Variants in PNPT1 observed in about 807,000 individuals in gnomAD.
PNPT1 encodes polyribonucleotide nucleotidyltransferase 1.
A neutral mutation model predicts 119.5 loss-of-function variants in PNPT1; 53 were observed. The ratio of observed to expected loss-of-function variants is 0.44; its 90% CI spans 0.36 to 0.56. The LOEUF (loss-of-function observed/expected upper bound fraction) is 0.56, where lower values mean the gene tolerates loss of function less well. Ranked by LOEUF, PNPT1 falls within the 20% of genes least tolerant of loss-of-function variation. The pLI, the probability that PNPT1 is intolerant of heterozygous loss-of-function variation, is 0.00. For synonymous variants in PNPT1, 357 were observed against 322.1 expected, an observed-to-expected ratio of 1.11 and a Z score of -1.16; for missense variants, 948 against 938.5, an observed-to-expected ratio of 1.01 and a Z score of -0.13.
chr2:55,661,555 G>C (rs1284624376), intron 14 of PNPT1, among the ~76,000 whole-genome samples: 2 of 152,102 alleles, frequency 1.3e-5, no homozygotes, highest in Non-Finnish European at 2.9e-5. Flanking sequence ...GATTCGACAA[G>C]GCTTTTCATT....
intron 5 of PNPT1, among the ~76,000 whole-genome samples, chr2:55,683,221 G>A (rs571683187): frequency 4.6e-5 from 7 of 152,224 alleles, no homozygotes; most frequent in Non-Finnish European, 7.3e-5. Flanking sequence ...TCCTGCCTCT[G>A]GGCTTTCAAT....
chr2:55,675,999 G>A (rs549208044), intron 8 of PNPT1, among the ~76,000 whole-genome samples: 3 of 152,170 alleles, frequency 2.0e-5, no homozygotes, highest in African/African-American at 7.2e-5. Flanking sequence ...GGTGGCTCAC[G>A]CTTGTAATCC....
In PNPT1 at chr2:55,645,417, A is replaced by G. The variant is rs766238633; in HGVS notation, c.1754T>C (p.Ile585Thr). ...IQQASVAKKEILQIMNKTISK... is the reference protein window; with the variant it reads ...IQQASVAKKETLQIMNKTISK... ...AATAGTTTTGTTCATGATCTGTAAT[A>G]TCTCCTTTTTTGCCACTAGAAGAGA... is the stretch of plus-strand genomic sequence containing the variant. Residue 585 changes from isoleucine to threonine, a missense_variant, in exon 22 of 28, where the codon ATA (isoleucine) becomes ACA (threonine). Coordinates refer to ENST00000447944, the MANE Select transcript of PNPT1 (RefSeq NM_033109.5). 2 of 1,609,726 alleles carry G rather than the reference A, an allele frequency of 1.2e-6. No homozygotes were observed. Among genetic ancestry groups the G allele is most frequent in the African/African-American group, 1.3e-5 (1 of 74,544 alleles).
At chr2:55,647,199 C>T in intron 19 of PNPT1, 148 bp downstream of exon 19, 1 of 554,628 alleles carries the variant, frequency 1.8e-6, no homozygotes, top group African/African-American at 1.9e-5. Context: ...AGAACAAGTA[C>T]CTGTTCTTCA....
chr2:55,643,023 A>G, intron 25 of PNPT1, 135 bp downstream of exon 25: 1 of 847,544 alleles, frequency 1.2e-6, no homozygotes, highest in Admixed American at 2.5e-5. Context: ...CTGAGGTGGG[A>G]GAACTGCCTG....
intron 1 of PNPT1, among the ~76,000 whole-genome samples, chr2:55,691,091 G>C (rs1325884081): frequency 6.6e-6 from 1 of 152,222 alleles, no homozygotes; most frequent in African/African-American, 2.4e-5. Flanking sequence ...CTGTGAAGGG[G>C]AGTGGAGGAT....
At position 55,667,019 on chromosome 2, in the gene PNPT1, G is replaced by T. The variant is rs757766273; in HGVS notation, c.1148C>A (p.Ser383Ter). ...TGTTTGTCCTCTTTGAAATAATGCTGATCCATGAAGGGTTTTAAACATATC... is the reference window on the plus strand; with the variant it reads ...TGTTTGTCCTCTTTGAAATAATGCTTATCCATGAAGGGTTTTAAACATATC... The part of the protein sequence containing the change: ...EVDMFKTLHG[S>*]ALFQRGQTQV... Residue 383 changes from serine to a stop codon, truncating the protein, a stop_gained, in exon 13 of 28, where the codon TCA (serine) becomes TAA (stop). Coordinates refer to ENST00000447944, the MANE Select transcript of PNPT1 (RefSeq NM_033109.5). LOFTEE classifies it high-confidence loss of function. The T allele has an allele frequency of 6.3e-7, 1 of 1,599,508 alleles. No individual in the cohort carries two copies. The highest frequency in any genetic ancestry group is 2.2e-5 in the East Asian group (1 of 44,622).
intron 25 of PNPT1, among the ~76,000 whole-genome samples, chr2:55,642,926 G>C (rs1695877951): frequency 6.6e-6 from 1 of 152,082 alleles, no homozygotes; most frequent in South Asian, 2.1e-4. Flanking sequence ...AGACCAACCT[G>C]GGCAACATAG....
intron 21 of PNPT1, among the ~76,000 whole-genome samples, chr2:55,645,706 T>A (rs918389086): frequency 6.6e-6 from 1 of 152,222 alleles, no homozygotes; most frequent in Non-Finnish European, 1.5e-5. Context: ...TCTTCTTTTT[T>A]TAAAATAGAT....
At position 55,679,168 on chromosome 2, in the gene PNPT1, G is replaced by A. The variant is rs530616910; in HGVS notation, c.679+514C>T. ...GACATTTCTGTCACAAGGAGTAAGT[G>A]AAAATGGCCCATGGTCAATGCATTT... On this transcript the variant is annotated intron_variant, in intron 8 of 27. Transcript: ENST00000447944. 9.7e-4 allele frequency among the ~76,000 whole-genome samples: 148 copies of A among 152,228 alleles called. 1 individual carries two copies. Among genetic ancestry groups the A allele is most frequent in the East Asian group, 3.9e-4 (2 of 5,176 alleles).
intron 4 of PNPT1, among the ~76,000 whole-genome samples, chr2:55,684,390 G>A (rs566562696): frequency 2.0e-5 from 3 of 152,264 alleles, no homozygotes; most frequent in African/African-American, 7.2e-5. Flanking sequence ...CTTGAACCCG[G>A]GAGGTAGAGG....
chr2:55,641,176 A>G (rs991282983), intron 25 of PNPT1, among the ~76,000 whole-genome samples: 3 of 152,154 alleles, frequency 2.0e-5, no homozygotes, highest in African/African-American at 7.2e-5. Flanking sequence ...GTGAGCCGAG[A>G]TCGTGCCACT....
At chr2:55,690,846 T>C (rs749877479) in intron 1 of PNPT1, among the ~76,000 whole-genome samples, 4 of 152,194 alleles carry the variant, frequency 2.6e-5, no homozygotes, top group Non-Finnish European at 4.4e-5. Context: ...TGGATTAGTA[T>C]GTTGAGTAGA....
chr2:55,655,425 C>A (rs187980427), intron 17 of PNPT1, among the ~76,000 whole-genome samples: 28 of 152,126 alleles, frequency 1.8e-4, no homozygotes, highest in Non-Finnish European at 3.5e-4. Context: ...CAGCCTATCA[C>A]AAAAAGTTCT....
intron 7 of PNPT1, among the ~76,000 whole-genome samples, chr2:55,680,041 T>C (rs1697195748): frequency 6.6e-6 from 1 of 152,214 alleles, no homozygotes; most frequent in African/African-American, 2.4e-5. Flanking sequence ...GTTTGTCCCC[T>C]GGTCTAGCCA....
At chr2:55,657,753 G>C (rs1035221101) in intron 15 of PNPT1, among the ~76,000 whole-genome samples, 5 of 151,162 alleles carry the variant, frequency 3.3e-5, no homozygotes, top group Non-Finnish European at 7.4e-5. Flanking sequence ...AAATAGAGAG[G>C]GGGGAGGAAC....
intron 18 of PNPT1, among the ~76,000 whole-genome samples, chr2:55,651,885 CA>C: frequency 0.28 from 33,750 of 119,408 alleles, 4,015 homozygotes; most frequent in African/African-American, 0.42. Context: ...AAAGGAAAGT[CA>C]AAAAAAAAAA....
chr2:55,668,215 C>G (rs1696799823), intron 11 of PNPT1, among the ~76,000 whole-genome samples: 1 of 152,160 alleles, frequency 6.6e-6, no homozygotes. Context: ...AATGACAGTG[C>G]TTTGAAATCA....
At position 55,671,994 on chromosome 2, in the gene PNPT1, C is replaced by G; in HGVS notation, c.918+1G>C. The G allele has an allele frequency of 1.3e-6, 2 of 1,596,076 alleles. No homozygotes were observed. Among genetic ancestry groups the G allele is most frequent in the Non-Finnish European group, 1.7e-6 (2 of 1,171,354 alleles). On this transcript the variant is annotated splice_donor_variant, in intron 10 of 27. Coordinates refer to ENST00000447944, the MANE Select transcript of PNPT1 (RefSeq NM_033109.5). LOFTEE classifies it high-confidence loss of function. ...GGAAGACAAAACTCAGGTATACCTA[C>G]TTTGTCATGCTCGTAATCTGTAAAA...
Sources: gnomAD v4.1 joint callset for allele counts (sites outside exome capture counted in the v4.1 genomes callset) on GRCh38, gnomAD v4.1.1 for gene constraint, MANE v1.5 for transcripts, NCBI Gene and HGNC (gene_info 2026-07-23, HGNC 2026-07-21) for gene names.